Variants in OLA1 observed in about 807,000 individuals in gnomAD.
The protein encoded by OLA1 is Obg like ATPase 1.
A neutral mutation model predicts 48.4 loss-of-function variants in OLA1; 14 were observed. That is an observed-to-expected ratio of 0.29 (90% CI 0.19 to 0.45). The LOEUF (loss-of-function observed/expected upper bound fraction) is 0.45, where lower values mean the gene tolerates loss of function less well. Among genes scored for constraint, OLA1 ranks in the 20% least tolerant of loss-of-function variants. The probability of loss-of-function intolerance (pLI) is 1.00; values close to 1 mark genes in which losing one functional copy is unlikely to be tolerated. For missense variants in OLA1, 325 were observed against 467.1 expected, an observed-to-expected ratio of 0.70 and a Z score of 2.80; for synonymous variants, 127 against 150.4, an observed-to-expected ratio of 0.84 and a Z score of 1.14.
chr2:174,162,069 G>A (rs567184511), intron 4 of OLA1, among the ~76,000 whole-genome samples: 4 of 152,060 alleles, frequency 2.6e-5, no homozygotes, highest in Non-Finnish European at 5.9e-5. Flanking sequence ...GAGCAAAAGG[G>A]GGACAGACGA....
chr2:174,077,583 T>C (rs10930633), intron 10 of OLA1, among the ~76,000 whole-genome samples: 40,723 of 151,860 alleles, frequency 0.27, 6,935 homozygotes, highest in East Asian at 0.92. Context: ...ATTTATAGTA[T>C]AAAAGCTGCC....
chr2:174,080,270 A>G (rs1181065413), intron 9 of OLA1, among the ~76,000 whole-genome samples: 1 of 152,108 alleles, frequency 6.6e-6, no homozygotes, highest in Non-Finnish European at 1.5e-5. Flanking sequence ...AATAAATTAC[A>G]GTAGTCACTG....
chr2:174,209,407 C>G (rs1230003557), intron 4 of OLA1, among the ~76,000 whole-genome samples: 1 of 152,050 alleles, frequency 6.6e-6, no homozygotes, highest in African/African-American at 2.4e-5. Flanking sequence ...TTTTTCATAT[C>G]CCAAGTATAC....
chr2:174,110,001 T>C (rs1016028635), intron 7 of OLA1, among the ~76,000 whole-genome samples: 2 of 152,108 alleles, frequency 1.3e-5, no homozygotes, highest in Non-Finnish European at 2.9e-5. Flanking sequence ...GTTTCCTTCT[T>C]TGTGTTCATA....
intron 7 of OLA1, among the ~76,000 whole-genome samples, chr2:174,095,015 G>T (rs745983992): frequency 1.3e-5 from 2 of 152,140 alleles, no homozygotes; most frequent in Non-Finnish European, 2.9e-5. Context: ...TCTATTGTTT[G>T]TATGTCTATA....
intron 4 of OLA1, among the ~76,000 whole-genome samples, chr2:174,188,649 G>A (rs1318181927): frequency 6.6e-6 from 1 of 152,172 alleles, no homozygotes; most frequent in Non-Finnish European, 1.5e-5. Flanking sequence ...GAGTCAGGAA[G>A]GATGGTGATG....
At chr2:174,136,011 T>A (rs74903312) in intron 5 of OLA1, among the ~76,000 whole-genome samples, 1 of 152,232 alleles carries the variant, frequency 6.6e-6, no homozygotes, top group East Asian at 1.9e-4. Flanking sequence ...AAACAATGTA[T>A]AAACCTTAAT....
chr2:174,229,184 CT>C (rs1397086643), intron 3 of OLA1, 123 bp downstream of exon 3: 62 of 1,063,316 alleles, frequency 5.8e-5, no homozygotes, highest in Middle Eastern at 3.0e-4. Context: ...CTCTGCATGA[CT>C]TTTATAATCA....
At chr2:174,077,677 T>C (rs1684779060) in intron 10 of OLA1, among the ~76,000 whole-genome samples, 1 of 151,998 alleles carries the variant, frequency 6.6e-6, no homozygotes, top group South Asian at 2.1e-4. Context: ...AAGGAAATAT[T>C]TACAATTCAT....
chr2:174,223,674 G>C (rs1395573884), intron 3 of OLA1, among the ~76,000 whole-genome samples: 1 of 143,080 alleles, frequency 7.0e-6, no homozygotes, highest in Admixed American at 7.5e-5. Flanking sequence ...GAAATCTATT[G>C]TATTCAAGAT....
chr2:174,126,825 G>T (rs965180280), intron 5 of OLA1, among the ~76,000 whole-genome samples: 1 of 152,036 alleles, frequency 6.6e-6, no homozygotes, highest in African/African-American at 2.4e-5. Context: ...TGTTCTCTTG[G>T]GTGCTCCTTT....
chr2:174,157,909 T>A (rs1444133540), intron 4 of OLA1, among the ~76,000 whole-genome samples: 2 of 152,150 alleles, frequency 1.3e-5, no homozygotes, highest in Non-Finnish European at 2.9e-5. Context: ...ATTAAATGCA[T>A]TAACACACAG....
intron 2 of OLA1, among the ~76,000 whole-genome samples, chr2:174,230,516 CAGTT>C (rs1394667553): frequency 2.0e-5 from 3 of 152,154 alleles, no homozygotes; most frequent in African/African-American, 4.8e-5. Context: ...TTACCAATGA[CAGTT>C]AGTGCTGCAA....
intron 4 of OLA1, among the ~76,000 whole-genome samples, chr2:174,190,560 T>A (rs191570510): frequency 6.6e-6 from 1 of 151,738 alleles, no homozygotes; most frequent in African/African-American, 2.4e-5. Context: ...TAGAATTTCA[T>A]AGAATGAAAT....
At chr2:174,191,270 C>T (rs549403476) in intron 4 of OLA1, among the ~76,000 whole-genome samples, 1 of 151,914 alleles carries the variant, frequency 6.6e-6, no homozygotes, top group African/African-American at 2.4e-5. Flanking sequence ...AAAATAATTC[C>T]TGATCCAATG....
chr2:174,185,597 A>G (rs930892424), intron 4 of OLA1, among the ~76,000 whole-genome samples: 1 of 152,166 alleles, frequency 6.6e-6, no homozygotes, highest in African/African-American at 2.4e-5. Flanking sequence ...TCTCTACAGT[A>G]CTTAATAAAG....
intron 7 of OLA1, among the ~76,000 whole-genome samples, chr2:174,087,391 G>T (rs560845429): frequency 6.6e-6 from 1 of 152,018 alleles, no homozygotes; most frequent in African/African-American, 2.4e-5. Flanking sequence ...ATTGTTTCTG[G>T]TGTTTCTACG....
intron 4 of OLA1, among the ~76,000 whole-genome samples, chr2:174,179,422 T>C (rs1442421900): frequency 1.3e-5 from 2 of 151,950 alleles, no homozygotes; most frequent in Non-Finnish European, 2.9e-5. Flanking sequence ...AATATATATA[T>C]ATTTGTTAGA....
At chr2:174,109,466 CT>C (rs1685595504) in intron 7 of OLA1, among the ~76,000 whole-genome samples, 1 of 152,128 alleles carries the variant, frequency 6.6e-6, no homozygotes, top group Non-Finnish European at 1.5e-5. Context: ...TTTAATTGTG[CT>C]TAATCAGAAA....
Sources: gnomAD v4.1 joint callset for allele counts (sites outside exome capture counted in the v4.1 genomes callset) on GRCh38, gnomAD v4.1.1 for gene constraint, MANE v1.5 for transcripts, NCBI Gene and HGNC (gene_info 2026-07-23, HGNC 2026-07-21) for gene names.